The following SPTBN4 variants were observed in gnomAD, a reference collection of about 807,000 sequenced individuals.
The protein encoded by SPTBN4 is spectrin beta chain, non-erythrocytic 4.
In SPTBN4, 96 loss-of-function variants were observed where a neutral mutation model predicts 277.8. The observed-to-expected ratio is 0.35, with a 90% CI of 0.29 to 0.41. The LOEUF (loss-of-function observed/expected upper bound fraction) is 0.41, where lower values mean the gene tolerates loss of function less well. Ranked by LOEUF, SPTBN4 falls within the 10% of genes least tolerant of loss-of-function variation. The pLI is 1.00. For synonymous variants in SPTBN4, 1,481 were observed against 1,580.3 expected (o/e 0.94, Z 1.49); for missense variants, 3,006 against 3,595.7 (o/e 0.84, Z 4.19).
intron 2 of SPTBN4, among the ~76,000 whole-genome samples, chr19:40,478,813 C>T (rs961580260): frequency 6.6e-5 from 10 of 152,228 alleles, no homozygotes; most frequent in South Asian, 6.2e-4. Flanking sequence ...TCTCAAAGTG[C>T]TGGGATTACA....
At chr19:40,565,003 G>A (rs183410322) in intron 27 of SPTBN4, among the ~76,000 whole-genome samples, 2 of 152,030 alleles carry the variant, frequency 1.3e-5, no homozygotes, top group Non-Finnish European at 1.5e-5. Context: ...GTGACTCAAC[G>A]CCTGTAATCC....
At chr19:40,525,739 C>T (rs750065451) in intron 17 of SPTBN4, among the ~76,000 whole-genome samples, 5 of 152,138 alleles carry the variant, frequency 3.3e-5, no homozygotes, top group Non-Finnish European at 5.9e-5. Context: ...TCACAGAGCT[C>T]GAACGTTATC....
At chr19:40,473,789 T>C (rs1160579428) in intron 2 of SPTBN4, among the ~76,000 whole-genome samples, 1 of 151,922 alleles carries the variant, frequency 6.6e-6, no homozygotes. Flanking sequence ...AATCCCGAAA[T>C]GCAGAGCCAT....
At chr19:40,564,313 A>G (rs935503346) in intron 27 of SPTBN4, among the ~76,000 whole-genome samples, 15 of 152,194 alleles carry the variant, frequency 9.9e-5, no homozygotes, top group African/African-American at 3.6e-4. Context: ...GTGAGCGGAG[A>G]TCGCACCACT....
Position 40,557,262 on chromosome 19 carries a change from C to G in SPTBN4, c.5529C>G (p.Ala1843=), listed in dbSNP as rs778003215. ...AGCTTCATAAGTTCTTCAGTGACGC[C>G]CGAGAGCTTCAGGGACAGATTGAGG... ...SRELHKFFSD[A]RELQGQIEEK... is the part of the protein sequence containing the mutation. Residue 1843 remains alanine (A), a synonymous_variant, in exon 26 of 36, where the codon GCC becomes GCG. Transcript: ENST00000598249. 1 of 1,613,722 alleles carries G rather than the reference C, an allele frequency of 6.2e-7. No homozygotes were observed. Among genetic ancestry groups the G allele is most frequent in the South Asian group, 1.1e-5 (1 of 91,056 alleles).
intron 1 of SPTBN4, among the ~76,000 whole-genome samples, chr19:40,470,831 C>T (rs745791673): frequency 5.3e-5 from 8 of 151,422 alleles, no homozygotes; most frequent in Non-Finnish European, 1.0e-4. Context: ...CCGGGTTTCA[C>T]CATGTTGGCC....
At chr19:40,565,090 C>A (rs1320205198) in intron 27 of SPTBN4, among the ~76,000 whole-genome samples, 2 of 151,444 alleles carry the variant, frequency 1.3e-5, no homozygotes, top group African/African-American at 2.4e-5. Flanking sequence ...CATGGAGAAA[C>A]CCCATCTCTA....
intron 20 of SPTBN4, among the ~76,000 whole-genome samples, chr19:40,542,693 A>T (rs1169811993): frequency 6.8e-6 from 1 of 147,784 alleles, no homozygotes; most frequent in Non-Finnish European, 1.5e-5. Context: ...TTTTGTATCC[A>T]GCTCAGCATG....
rs916188621 is a variant in SPTBN4, at chr19:40,515,193, C to T, written c.2766-118C>T. On this transcript the variant is annotated intron_variant, in intron 14 of 35. Transcript: ENST00000598249. The surrounding 1 kb of genome is among the most constrained non-coding windows in gnomAD (Gnocchi z 4.1). ...AGCAGCAAGTAGAAGAGAAGGAGCC[C>T]ACAAAGGAGGCTGAAAAGAAGGGTG... is the stretch of plus-strand genomic sequence containing the variant. The T allele has an allele frequency of 5.4e-5, 58 of 1,084,062 alleles. No homozygotes were observed. In the Middle Eastern group the frequency reaches 1.4e-3, roughly 26 times the overall value. 67.2% of individuals were successfully genotyped at this position (1,084,062 alleles called of 1,614,324 possible). A position where few individuals can be genotyped will look rare whatever the true frequency, so the allele number is the denominator to read the frequency against.
intron 26 of SPTBN4, among the ~76,000 whole-genome samples, chr19:40,558,815 C>T: frequency 6.6e-6 from 1 of 151,846 alleles, no homozygotes; most frequent in East Asian, 1.9e-4. Context: ...ACCATGTTGG[C>T]CAGGCTGGCC....
intron 24 of SPTBN4, 149 bp from the exon 25 acceptor site, chr19:40,555,935 A>G: frequency 1.4e-6 from 1 of 690,288 alleles, no homozygotes; most frequent in East Asian, 2.7e-5. Flanking sequence ...AAGAAAAAAG[A>G]AAAGAAAACA....
At chr19:40,487,646 G>C (rs768660663) in intron 2 of SPTBN4, 51 bp from the exon 3 acceptor site, 1 of 1,569,772 alleles carries the variant, frequency 6.4e-7, no homozygotes, top group Admixed American at 1.8e-5. Context: ...CTCGCGGAGG[G>C]CTGGGGTGAA....
chr19:40,504,579 G>A (rs550138783), intron 12 of SPTBN4, among the ~76,000 whole-genome samples: 1 of 151,916 alleles, frequency 6.6e-6, no homozygotes, highest in Non-Finnish European at 1.5e-5. Flanking sequence ...TGAGGCAGGA[G>A]AATGGCGTGA....
At chr19:40,473,421 G>A (rs545976176) in intron 2 of SPTBN4, among the ~76,000 whole-genome samples, 5 of 142,988 alleles carry the variant, frequency 3.5e-5, no homozygotes, top group East Asian at 2.1e-4. Context: ...GCAGTGGCGC[G>A]ATCTCGGCTC....
intron 2 of SPTBN4, among the ~76,000 whole-genome samples, chr19:40,473,934 G>C (rs2079916405): frequency 6.6e-6 from 1 of 151,440 alleles, no homozygotes; most frequent in South Asian, 2.1e-4. Flanking sequence ...TTGAGTGCAG[G>C]AGTTCGAGAC....
rs1344867622 is a variant in SPTBN4, at chr19:40,502,383, C to T, written c.1086-7C>T. 1 of 1,610,866 alleles carries T rather than the reference C, an allele frequency of 6.2e-7. No homozygotes were observed. The highest frequency in any genetic ancestry group is 8.5e-7 in the Non-Finnish European group (1 of 1,178,434). On this transcript the variant is annotated splice_polypyrimidine_tract_variant and splice_region_variant and intron_variant, in intron 9 of 35. Coordinates refer to ENST00000598249, the MANE Select transcript of SPTBN4 (RefSeq NM_020971.3). This position sits in a 1 kb window ranked among gnomAD's most constrained non-coding sequence, Gnocchi z 4.9. ...ACGGCAGGGCTCCTGAGCTCATGCC[C>T]CTTCAGGTTCCAGGAGAAGGGGAAC...
intron 2 of SPTBN4, among the ~76,000 whole-genome samples, chr19:40,475,875 G>A (rs973190478): frequency 6.6e-6 from 1 of 151,854 alleles, no homozygotes; most frequent in African/African-American, 2.4e-5. Flanking sequence ...GTGAAACCCC[G>A]TCTCTACTAA....
chr19:40,523,305 G>C (rs773368891), intron 16 of SPTBN4, 132 bp from the exon 17 acceptor site: 10 of 842,352 alleles, frequency 1.2e-5, no homozygotes, highest in Non-Finnish European at 1.6e-5. Flanking sequence ...CAACAGCCCC[G>C]AGGTGGGACC....
intron 2 of SPTBN4, 114 bp downstream of exon 2, chr19:40,472,904 T>C: frequency 9.3e-7 from 1 of 1,079,170 alleles, no homozygotes; most frequent in Non-Finnish European, 1.3e-6. Flanking sequence ...CAATAGAACT[T>C]TCCATGATGG....
Sources: allele counts gnomAD v4.1 joint callset (sites outside exome capture counted in the v4.1 genomes callset), GRCh38; gene constraint gnomAD v4.1.1; non-coding constraint Gnocchi (gnomAD v3.1); transcripts MANE v1.5; gene names NCBI Gene and HGNC (gene_info 2026-07-23, HGNC 2026-07-21).